NDRG1: variants seen among roughly 807,000 people sequenced by gnomAD.
The protein encoded by NDRG1 is N-myc downstream regulated 1.
NDRG1 carries 32 observed loss-of-function variants against 56.9 expected under a neutral mutation model. The ratio of observed to expected loss-of-function variants is 0.56; its 90% CI spans 0.42 to 0.76. The LOEUF is 0.76. Ranked by LOEUF, NDRG1 falls within the 30% of genes least tolerant of loss-of-function variation. The pLI is 0.00. For synonymous variants in NDRG1, 211 were observed against 204.1 expected (o/e 1.03, Z -0.29); for missense variants, 507 against 545.7 (o/e 0.93, Z 0.71).
chr8:133,256,597 C>A (rs531168880), intron 8 of NDRG1, among the ~76,000 whole-genome samples, 180 bp downstream of exon 8: 8 of 152,184 alleles, frequency 5.3e-5, no homozygotes, highest in African/African-American at 1.7e-4. Flanking sequence ...GAATGGCAAA[C>A]GGCTGAGGTC....
chr8:133,288,537 G>C (rs964555590), intron 1 of NDRG1: 6 of 152,394 alleles, frequency 3.9e-5, no homozygotes, highest in African/African-American at 1.4e-4. Context: ...TCACGGCTTA[G>C]CAAGTGTGGC....
At chr8:133,286,210 T>C (rs1438060312) in intron 1 of NDRG1, among the ~76,000 whole-genome samples, 1 of 152,242 alleles carries the variant, frequency 6.6e-6, no homozygotes, top group Non-Finnish European at 1.5e-5. Context: ...TCTGAATAAA[T>C]GAGCAATGTA....
intron 14 of NDRG1, 49 bp from the exon 15 acceptor site, chr8:133,242,123 T>A (rs776114312): frequency 6.9e-6 from 11 of 1,604,548 alleles, no homozygotes; most frequent in Non-Finnish European, 9.4e-6. Context: ...GGGAGCCAGA[T>A]CACCCGAGGC....
chr8:133,241,936 T>C, intron 15 of NDRG1, 87 bp downstream of exon 15: 12 of 1,481,514 alleles, frequency 8.1e-6, no homozygotes. Context: ...GGACACAGAA[T>C]TGCTCATCCA....
At chr8:133,261,191 TG>T (rs1481266440) in intron 5 of NDRG1, among the ~76,000 whole-genome samples, 2 of 152,184 alleles carry the variant, frequency 1.3e-5, no homozygotes, top group Non-Finnish European at 2.9e-5. Context: ...CTGTAACCTC[TG>T]CCTCCCAGGT....
At chr8:133,295,184 C>G (rs754509724) in intron 1 of NDRG1, among the ~76,000 whole-genome samples, 1 of 152,168 alleles carries the variant, frequency 6.6e-6, no homozygotes, top group Non-Finnish European at 1.5e-5. Context: ...TTACCTCGCC[C>G]GAAACTCAAC....
chr8:133,245,320 G>T (rs1428760842), intron 13 of NDRG1, among the ~76,000 whole-genome samples: 1 of 152,136 alleles, frequency 6.6e-6, no homozygotes, highest in Non-Finnish European at 1.5e-5. Flanking sequence ...GGTTGTGGTT[G>T]AATTGTGTCC....
intron 15 of NDRG1, chr8:133,240,723 G>A (rs1855331510): frequency 6.6e-6 from 1 of 152,268 alleles, no homozygotes; most frequent in East Asian, 1.9e-4. Context: ...GCCGATTTGG[G>A]GAGAAAGATG....
intron 3 of NDRG1, among the ~76,000 whole-genome samples, chr8:133,279,454 G>A (rs984927096): frequency 2.0e-5 from 3 of 152,222 alleles, no homozygotes; most frequent in Non-Finnish European, 4.4e-5. Context: ...GAATAGAGGA[G>A]TGAGATGCAG....
At chr8:133,258,711 C>T (rs1856513082) in intron 6 of NDRG1, among the ~76,000 whole-genome samples, 1 of 152,240 alleles carries the variant, frequency 6.6e-6, no homozygotes, top group African/African-American at 2.4e-5. Context: ...TTTCTTCCCA[C>T]TCTTAAGCTT....
chr8:133,255,728 A>C, intron 8 of NDRG1: 1 of 183,672 alleles, frequency 5.4e-6, no homozygotes, highest in South Asian at 9.8e-5. Flanking sequence ...ATGGGGCAAG[A>C]GGCAGGGCCC....
At chr8:133,294,328 G>A (rs543146155) in intron 1 of NDRG1, among the ~76,000 whole-genome samples, 6 of 152,328 alleles carry the variant, frequency 3.9e-5, no homozygotes, top group South Asian at 4.1e-4. Context: ...TCCAGGCAAC[G>A]TTCTTGCGAG....
chr8:133,240,113 G>A (rs867481341), intron 15 of NDRG1: 1 of 152,222 alleles, frequency 6.6e-6, no homozygotes, highest in Non-Finnish European at 1.5e-5. Context: ...GCGTTGGAGG[G>A]AGCAAGGCCC....
At position 133,238,608 on chromosome 8, in the gene NDRG1, G is replaced by A. The variant is rs1855191946; in HGVS notation, c.*270C>T. 2 of 550,528 alleles carry A rather than the reference G, an allele frequency of 3.6e-6. No homozygotes were observed. The highest frequency in any genetic ancestry group is 5.0e-5 in the South Asian group (2 of 40,338). 34.1% of individuals were successfully genotyped at this position (550,528 alleles called of 1,614,324 possible). On this transcript the variant is annotated 3_prime_UTR_variant, in exon 16 of 16. Transcript: ENST00000323851. ...GGCAGTTTGGTGTCTCTGAGGGAGG[G>A]GAGGAGAGTGGCAACCGGCCACTGG...
chr8:133,267,989 G>A (rs1375844697), intron 3 of NDRG1, among the ~76,000 whole-genome samples: 3 of 152,156 alleles, frequency 2.0e-5, no homozygotes, highest in Non-Finnish European at 4.4e-5. Flanking sequence ...CCGGAGTTGC[G>A]AGTGGGTAGC....
chr8:133,275,138 G>A lies in NDRG1; in HGVS notation c.99+5094C>T, dbSNP rs547071465. On this transcript the variant is annotated intron_variant, in intron 3 of 15. Coordinates refer to ENST00000323851, the MANE Select transcript of NDRG1 (RefSeq NM_006096.4). ...CATCAGGCCCCAGAGAGCTTCCGTCGTCACACTGCACTGCATCTTCTGAAG... is the reference window on the plus strand; with the variant it reads ...CATCAGGCCCCAGAGAGCTTCCGTCATCACACTGCACTGCATCTTCTGAAG... 1.2e-4 allele frequency among the ~76,000 whole-genome samples: 19 copies of A among 152,222 alleles called. No individual in the cohort carries two copies. In the East Asian group the frequency reaches 2.7e-3, roughly 22 times the overall value.
At chr8:133,272,185 C>T (rs1857225869) in intron 3 of NDRG1, among the ~76,000 whole-genome samples, 1 of 152,232 alleles carries the variant, frequency 6.6e-6, no homozygotes, top group African/African-American at 2.4e-5. Flanking sequence ...AGGGAACAGG[C>T]TGCAGTGGGC....
chr8:133,277,895 T>C (rs1324276522), intron 3 of NDRG1, among the ~76,000 whole-genome samples: 1 of 152,100 alleles, frequency 6.6e-6, no homozygotes, highest in Non-Finnish European at 1.5e-5. Flanking sequence ...AGGTGAAGCA[T>C]CTTGTGCTAA....
At chr8:133,281,727 G>A (rs1857816855) in intron 2 of NDRG1, among the ~76,000 whole-genome samples, 1 of 152,184 alleles carries the variant, frequency 6.6e-6, no homozygotes, top group Non-Finnish European at 1.5e-5. Flanking sequence ...TGACAACACA[G>A]GCCCTCGTGC....
Sources: allele counts gnomAD v4.1 joint callset (sites outside exome capture counted in the v4.1 genomes callset), GRCh38; gene constraint gnomAD v4.1.1; transcripts MANE v1.5; gene names NCBI Gene and HGNC (gene_info 2026-07-23, HGNC 2026-07-21).